The following FRK variants were observed in gnomAD, a reference collection of about 807,000 sequenced individuals.
FRK encodes the protein tyrosine-protein kinase FRK.
A neutral mutation model predicts 56.4 loss-of-function variants in FRK; 51 were observed. That is an observed-to-expected ratio of 0.90 (90% CI 0.72 to 1.14). FRK has a LOEUF of 1.14. Among genes scored for constraint, FRK ranks in the 50% most tolerant of loss-of-function variants. The pLI is 0.00. For missense variants in FRK, 570 were observed against 601.4 expected (o/e 0.95, Z 0.55); for synonymous variants, 245 against 217.9 (o/e 1.12, Z -1.10).
chr6:116,049,933 C>T (rs1777124048), intron 1 of FRK, among the ~76,000 whole-genome samples: 1 of 152,062 alleles, frequency 6.6e-6, no homozygotes, highest in Non-Finnish European at 1.5e-5. Context: ...GTATGATTTC[C>T]CCCAAATCAG....
intron 1 of FRK, among the ~76,000 whole-genome samples, chr6:116,023,525 AGACAC>A (rs1345808661): frequency 1.3e-5 from 2 of 152,222 alleles, no homozygotes; most frequent in East Asian, 3.8e-4. Flanking sequence ...CAAAGAAGCA[AGACAC>A]AGAAAAGTAG....
intron 5 of FRK, among the ~76,000 whole-genome samples, chr6:115,951,728 C>G (rs1772761300): frequency 6.6e-6 from 1 of 152,268 alleles, no homozygotes; most frequent in Middle Eastern, 3.4e-3. Flanking sequence ...AAGGTTTGCA[C>G]TGACAGGCAT....
chr6:116,056,301 A>G (rs951995422), intron 1 of FRK, among the ~76,000 whole-genome samples: 1 of 151,188 alleles, frequency 6.6e-6, no homozygotes, highest in African/African-American at 2.4e-5. Context: ...TGCAGCCTCA[A>G]CCTCCCAGGT....
At chr6:115,954,804 TCA>T (rs1485452694) in intron 5 of FRK, among the ~76,000 whole-genome samples, 1 of 152,202 alleles carries the variant, frequency 6.6e-6, no homozygotes, top group East Asian at 1.9e-4. Flanking sequence ...ATTACTTCTG[TCA>T]CTTCTGGTCA....
chr6:116,014,090 A>G (rs969719810), intron 1 of FRK, among the ~76,000 whole-genome samples: 4 of 152,180 alleles, frequency 2.6e-5, no homozygotes, highest in African/African-American at 7.2e-5. Flanking sequence ...ACTGAGCTTC[A>G]TTAAATCTCT....
At chr6:115,991,847 G>A (rs1054400311) in intron 2 of FRK, among the ~76,000 whole-genome samples, 2 of 151,492 alleles carry the variant, frequency 1.3e-5, no homozygotes, top group Non-Finnish European at 3.0e-5. Flanking sequence ...TAAGATTGAT[G>A]CTAGCTCTTC....
At chr6:116,006,258 ATAAT>A (rs1775244228) in intron 1 of FRK, among the ~76,000 whole-genome samples, 1 of 152,220 alleles carries the variant, frequency 6.6e-6, no homozygotes, top group African/African-American at 2.4e-5. Flanking sequence ...GAAACCCCAA[ATAAT>A]TAATAAAAAT....
the FRK span, among the ~76,000 whole-genome samples, chr6:116,073,325 A>G: frequency 6.6e-6 from 1 of 152,174 alleles, no homozygotes; most frequent in East Asian, 1.9e-4. Flanking sequence ...CATGTAACAG[A>G]AATTTGATGT....
chr6:115,951,535 T>G (rs550950715), intron 5 of FRK, among the ~76,000 whole-genome samples: 1 of 152,200 alleles, frequency 6.6e-6, no homozygotes, highest in South Asian at 2.1e-4. Context: ...TGTAATAAGA[T>G]CTATCTGTCA....
chr6:115,958,708 A>AAAGAAAGAAAGAAAGAAGGAAGG (rs1773160397), intron 4 of FRK, among the ~76,000 whole-genome samples: 1 of 12,362 alleles, frequency 8.1e-5, no homozygotes, highest in African/African-American at 3.3e-4. Context: ...AAGAAAGAAG[A>AAAGAAAGAAAGAAAGAAGGAAGG]AAGAAAGAAA....
At chr6:116,005,162 G>A (rs1445926530) in intron 1 of FRK, among the ~76,000 whole-genome samples, 1 of 152,096 alleles carries the variant, frequency 6.6e-6, no homozygotes, top group East Asian at 1.9e-4. Context: ...ACAAATGCAG[G>A]GTGTTCGTTT....
At chr6:116,084,399 A>G in the FRK span, among the ~76,000 whole-genome samples, 2 of 152,304 alleles carry the variant, frequency 1.3e-5, no homozygotes, top group South Asian at 4.1e-4. Context: ...GGACTCATTC[A>G]TGGTCTGCAG....
chr6:116,039,320 A>C (rs1776622749), intron 1 of FRK: 2 of 1,421,222 alleles, frequency 1.4e-6, no homozygotes, highest in East Asian at 4.6e-5. Context: ...AAGTTCTGAG[A>C]ATGGTGTCCA....
At chr6:116,027,616 T>G (rs1776140886) in intron 1 of FRK, among the ~76,000 whole-genome samples, 1 of 152,034 alleles carries the variant, frequency 6.6e-6, no homozygotes, top group South Asian at 2.1e-4. Flanking sequence ...TCACAAATAG[T>G]TAATACGCAC....
chr6:116,099,690 A>G, the FRK span, among the ~76,000 whole-genome samples: 2 of 152,222 alleles, frequency 1.3e-5, no homozygotes, highest in African/African-American at 4.8e-5. Context: ...CTCCTACTCA[A>G]TTGTACTATC....
chr6:116,014,225 G>A (rs564413572), intron 1 of FRK, among the ~76,000 whole-genome samples: 21 of 152,098 alleles, frequency 1.4e-4, no homozygotes, highest in African/African-American at 5.1e-4. Flanking sequence ...CTAACAATAT[G>A]GAGAAAAGAT....
intron 5 of FRK, among the ~76,000 whole-genome samples, chr6:115,952,551 A>AC (rs1390352282): frequency 3.3e-5 from 5 of 151,952 alleles, no homozygotes; most frequent in African/African-American, 1.2e-4. Context: ...ATACCATTTG[A>AC]CCCAGCCATC....
chr6:115,962,423 T>G (rs1036252486), intron 4 of FRK, among the ~76,000 whole-genome samples: 1 of 140,520 alleles, frequency 7.1e-6, no homozygotes, highest in Non-Finnish European at 1.5e-5. Flanking sequence ...ACAAAGAGAC[T>G]TAGACTCCCA....
chr6:116,020,306 T>G (rs12193261), intron 1 of FRK, among the ~76,000 whole-genome samples: 5 of 150,884 alleles, frequency 3.3e-5, no homozygotes, highest in Non-Finnish European at 5.9e-5. Context: ...TTGTTTTTTG[T>G]TTTTTTTTGG....
Sources: allele counts gnomAD v4.1 joint callset (sites outside exome capture counted in the v4.1 genomes callset), GRCh38; gene constraint gnomAD v4.1.1; transcripts MANE v1.5; gene names NCBI Gene and HGNC (gene_info 2026-07-23, HGNC 2026-07-21).